Variants in HEMK2 observed in about 807,000 individuals in gnomAD.
HEMK2 encodes HemK methyltransferase 2, ETF1 glutamine and histone H4 lysine, also known as methyltransferase HEMK2.
the HEMK2 span, among the ~76,000 whole-genome samples, chr21:28,753,247 C>G: frequency 6.6e-6 from 1 of 151,668 alleles, no homozygotes; most frequent in African/African-American, 2.4e-5. Flanking sequence ...ATCCCAGCTA[C>G]TTGGGAGGCG....
At chr21:28,664,678 G>A in the HEMK2 span, among the ~76,000 whole-genome samples, 1 of 151,938 alleles carries the variant, frequency 6.6e-6, no homozygotes, top group Non-Finnish European at 1.5e-5. Context: ...ATACCTTCAG[G>A]TCCTTCTCTA....
At chr21:28,576,476 A>C in the HEMK2 span, among the ~76,000 whole-genome samples, 1 of 151,790 alleles carries the variant, frequency 6.6e-6, no homozygotes, top group Admixed American at 6.6e-5. Flanking sequence ...TATCAACACA[A>C]GTTATTTGCC....
chr21:28,629,774 T>C, the HEMK2 span, among the ~76,000 whole-genome samples: 5 of 152,182 alleles, frequency 3.3e-5, no homozygotes, highest in African/African-American at 1.2e-4. Flanking sequence ...CATAGAGACA[T>C]AACCTACCAG....
the HEMK2 span, among the ~76,000 whole-genome samples, chr21:28,708,903 G>T: frequency 6.6e-6 from 1 of 152,308 alleles, no homozygotes; most frequent in South Asian, 2.1e-4. Context: ...GACTGTCTTA[G>T]TTCAGGTAGC....
At chr21:28,802,903 G>A in the HEMK2 span, among the ~76,000 whole-genome samples, 2 of 152,124 alleles carry the variant, frequency 1.3e-5, no homozygotes, top group African/African-American at 4.8e-5. Context: ...GTAGATGCTT[G>A]TTTATATCAT....
the HEMK2 span, among the ~76,000 whole-genome samples, chr21:28,852,566 T>C: frequency 6.6e-6 from 1 of 152,092 alleles, no homozygotes; most frequent in African/African-American, 2.4e-5. Context: ...AAGCTAGAGG[T>C]GTCCTTGGGA....
At chr21:28,602,856 A>G in the HEMK2 span, among the ~76,000 whole-genome samples, 2 of 152,196 alleles carry the variant, frequency 1.3e-5, no homozygotes, top group African/African-American at 4.8e-5. Context: ...CATCTGAGCA[A>G]TCAACAAGAG....
At chr21:28,617,658 T>C in the HEMK2 span, among the ~76,000 whole-genome samples, 3 of 150,816 alleles carry the variant, frequency 2.0e-5, no homozygotes, top group Non-Finnish European at 4.4e-5. Flanking sequence ...GATATGGCAC[T>C]TTGTGTTCAG....
At chr21:28,653,073 C>G in the HEMK2 span, among the ~76,000 whole-genome samples, 5 of 152,092 alleles carry the variant, frequency 3.3e-5, no homozygotes, top group African/African-American at 1.2e-4. Flanking sequence ...AAGAGAGATG[C>G]CAAGAGTCCA....
chr21:28,670,820 C>T, the HEMK2 span, among the ~76,000 whole-genome samples: 1 of 152,160 alleles, frequency 6.6e-6, no homozygotes, highest in Non-Finnish European at 1.5e-5. Context: ...GAAAAAGGAA[C>T]TGTCGAATGC....
the HEMK2 span, among the ~76,000 whole-genome samples, chr21:28,848,121 A>G: frequency 6.6e-6 from 1 of 152,130 alleles, no homozygotes. Context: ...TTTGGTTCCA[A>G]ATGAATTTTA....
At chr21:28,723,153 T>C in the HEMK2 span, among the ~76,000 whole-genome samples, 1 of 152,124 alleles carries the variant, frequency 6.6e-6, no homozygotes, top group African/African-American at 2.4e-5. Flanking sequence ...GCGCCTACAG[T>C]TGCACACTGC....
the HEMK2 span, among the ~76,000 whole-genome samples, chr21:28,730,468 T>C: frequency 2.0e-5 from 3 of 151,536 alleles, no homozygotes; most frequent in African/African-American, 4.9e-5. Context: ...ATGGCTTCTC[T>C]GGCTCAGGGC....
the HEMK2 span, among the ~76,000 whole-genome samples, chr21:28,701,821 G>GA: frequency 2.4e-4 from 37 of 152,042 alleles, 1 homozygote; most frequent in African/African-American, 7.7e-4. Flanking sequence ...CATATAATTA[G>GA]AAAAAACTAT....
At chr21:28,771,623 C>T in the HEMK2 span, among the ~76,000 whole-genome samples, 7 of 151,646 alleles carry the variant, frequency 4.6e-5, no homozygotes, top group Admixed American at 2.0e-4. Context: ...CTCTCCCCTA[C>T]CCATTCTTCT....
At chr21:28,780,734 G>A in the HEMK2 span, among the ~76,000 whole-genome samples, 1 of 152,188 alleles carries the variant, frequency 6.6e-6, no homozygotes, top group African/African-American at 2.4e-5. Flanking sequence ...TCAAATCCAA[G>A]TCCCAACGCC....
chr21:28,603,549 A>ATGTGTGTG, the HEMK2 span, among the ~76,000 whole-genome samples: 11,195 of 135,552 alleles, frequency 0.083, 535 homozygotes, highest in East Asian at 0.12. Flanking sequence ...GAGGATATAT[A>ATGTGTGTG]TGTGTGTGTG....
the HEMK2 span, among the ~76,000 whole-genome samples, chr21:28,814,219 A>G: frequency 6.6e-6 from 1 of 152,188 alleles, no homozygotes; most frequent in Admixed American, 6.5e-5. Flanking sequence ...CCTGGGCGAC[A>G]GAGCGAGACT....
the HEMK2 span, among the ~76,000 whole-genome samples, chr21:28,652,930 A>T: frequency 1.3e-5 from 2 of 152,120 alleles, no homozygotes; most frequent in East Asian, 3.9e-4. Context: ...ATTACCTGGG[A>T]GTTACTGACC....
Sources: allele counts gnomAD v4.1 joint callset (sites outside exome capture counted in the v4.1 genomes callset), GRCh38; gene constraint gnomAD v4.1.1; transcripts MANE v1.5; gene names NCBI Gene and HGNC (gene_info 2026-07-23, HGNC 2026-07-21).